The following MEGF10 variants were observed in gnomAD, a reference collection of about 807,000 sequenced individuals.
The protein encoded by MEGF10 is multiple EGF like domains 10, also known as multiple epidermal growth factor-like domains protein 10.
MEGF10 carries 86 observed loss-of-function variants against 147.5 expected under a neutral mutation model. The ratio of observed to expected loss-of-function variants is 0.58; its 90% CI spans 0.49 to 0.70. The LOEUF is 0.70. Ranked by LOEUF, MEGF10 falls within the 30% of genes least tolerant of loss-of-function variation. The pLI is 0.00. For synonymous variants in MEGF10, 478 were observed against 525.5 expected (o/e 0.91, Z 1.24); for missense variants, 1,329 against 1,487.3 (o/e 0.89, Z 1.75).
chr5:127,240,750 T>G, the MEGF10 span, among the ~76,000 whole-genome samples: 1 of 152,204 alleles, frequency 6.6e-6, no homozygotes, highest in East Asian at 1.9e-4. Context: ...TTTTCTAAAA[T>G]TAAAATTGTG....
At chr5:127,457,040 T>C in intron 24 of MEGF10, 88 bp from the exon 25 acceptor site, 6 of 1,294,862 alleles carry the variant, frequency 4.6e-6, no homozygotes, top group Non-Finnish European at 6.3e-6. Context: ...AAAGTCCCTT[T>C]GGTGTGTTTG....
At chr5:127,294,093 T>TA (rs1759387695) in intron 1 of MEGF10, among the ~76,000 whole-genome samples, 1 of 152,214 alleles carries the variant, frequency 6.6e-6, no homozygotes, top group South Asian at 2.1e-4. Flanking sequence ...ACCAACCACT[T>TA]ACCACCCATT....
chr5:127,365,904 A>G (rs544031536), intron 4 of MEGF10, among the ~76,000 whole-genome samples: 5 of 152,324 alleles, frequency 3.3e-5, no homozygotes, highest in African/African-American at 1.2e-4. Flanking sequence ...TGGGACAACC[A>G]CACTTATAAT....
chr5:127,312,671 C>G (rs180789548), intron 1 of MEGF10, among the ~76,000 whole-genome samples: 1 of 152,244 alleles, frequency 6.6e-6, no homozygotes, highest in Admixed American at 6.5e-5. Context: ...ACTCCAATAC[C>G]AAACCATATG....
intron 5 of MEGF10, among the ~76,000 whole-genome samples, chr5:127,391,844 C>A (rs1763709617): frequency 6.6e-6 from 1 of 152,046 alleles, no homozygotes. Flanking sequence ...TTGGAAATTA[C>A]AGAACAAGGC....
At chr5:127,299,596 T>C (rs1028092394) in intron 1 of MEGF10, among the ~76,000 whole-genome samples, 8 of 152,330 alleles carry the variant, frequency 5.3e-5, no homozygotes, top group South Asian at 4.1e-4. Context: ...ACAGACTTTT[T>C]CCACAGGATT....
intron 5 of MEGF10, among the ~76,000 whole-genome samples, chr5:127,377,654 A>T (rs551961582): frequency 6.6e-6 from 1 of 152,184 alleles, no homozygotes; most frequent in Non-Finnish European, 1.5e-5. Context: ...GGATATTCGA[A>T]TGGGGGGAAT....
chr5:127,452,746 T>C (rs1331854843), intron 22 of MEGF10, among the ~76,000 whole-genome samples: 1 of 152,182 alleles, frequency 6.6e-6, no homozygotes, highest in African/African-American at 2.4e-5. Context: ...AAAGCACTCC[T>C]ATTGGGCAGG....
chr5:127,454,482 C>T, intron 22 of MEGF10, 84 bp from the exon 23 acceptor site: 1 of 1,234,614 alleles, frequency 8.1e-7, no homozygotes. Flanking sequence ...AGTGGGAGAT[C>T]CTCTTCCAGG....
chr5:127,412,681 AAAAC>A (rs202213903), intron 9 of MEGF10, among the ~76,000 whole-genome samples: 15 of 152,176 alleles, frequency 9.9e-5, no homozygotes, highest in Non-Finnish European at 1.5e-4. Context: ...GCAGCATTAA[AAAAC>A]AAACAAACAA....
intron 24 of MEGF10, among the ~76,000 whole-genome samples, chr5:127,455,820 AC>A (rs1766342991): frequency 2.0e-5 from 3 of 151,766 alleles, no homozygotes; most frequent in Admixed American, 6.6e-5. Context: ...GCTCACTGCA[AC>A]CTCTACCTCC....
intron 4 of MEGF10, among the ~76,000 whole-genome samples, chr5:127,362,591 C>T (rs1381395732): frequency 6.6e-6 from 1 of 151,966 alleles, no homozygotes; most frequent in Non-Finnish European, 1.5e-5. Flanking sequence ...GTCTCCATCT[C>T]CTGACCTCGT....
At chr5:127,440,948 G>T (rs1765735801) in intron 18 of MEGF10, 81 bp downstream of exon 18, 1 of 1,548,328 alleles carries the variant, frequency 6.5e-7, no homozygotes, top group African/African-American at 1.4e-5. Flanking sequence ...AAATATTAAG[G>T]CAGAATTCAC....
chr5:127,409,947 T>C (rs1764490793), intron 8 of MEGF10: 1 of 175,012 alleles, frequency 5.7e-6, no homozygotes, highest in Admixed American at 5.4e-5. Flanking sequence ...GCCAAGAGAA[T>C]TAAAATTTAG....
chr5:127,311,495 A>G (rs1760284587), intron 1 of MEGF10, among the ~76,000 whole-genome samples: 1 of 152,186 alleles, frequency 6.6e-6, no homozygotes, highest in African/African-American at 2.4e-5. Context: ...TTAGGTGAGT[A>G]TTTGAGTATT....
chr5:127,391,102 GCACACACACACACACA>G (rs70997334), intron 5 of MEGF10, among the ~76,000 whole-genome samples: 13 of 53,934 alleles, frequency 2.4e-4, no homozygotes, highest in South Asian at 2.4e-3. Flanking sequence ...GCGCGCGCGC[GCACACACACACACACA>G]CACACACACA....
the MEGF10 span, among the ~76,000 whole-genome samples, chr5:127,255,047 G>A: frequency 6.6e-6 from 1 of 151,702 alleles, no homozygotes; most frequent in Non-Finnish European, 1.5e-5. Flanking sequence ...GGGGGCCAGG[G>A]AATGAGTGCT....
chr5:127,367,837 C>G (rs777239348), intron 4 of MEGF10, among the ~76,000 whole-genome samples: 18 of 152,268 alleles, frequency 1.2e-4, no homozygotes, highest in Middle Eastern at 3.4e-3. Flanking sequence ...GCAAAACCCT[C>G]TCGTGTTGAC....
intron 5 of MEGF10, among the ~76,000 whole-genome samples, chr5:127,380,858 C>T (rs564294491): frequency 6.6e-6 from 1 of 152,236 alleles, no homozygotes; most frequent in East Asian, 1.9e-4. Context: ...ATCCCCTGGC[C>T]ATAGACTGGT....
Sources: allele counts gnomAD v4.1 joint callset (sites outside exome capture counted in the v4.1 genomes callset), GRCh38; gene constraint gnomAD v4.1.1; transcripts MANE v1.5; gene names NCBI Gene and HGNC (gene_info 2026-07-23, HGNC 2026-07-21).